PCDHA7: variants seen among roughly 807,000 people sequenced by gnomAD.
PCDHA7 encodes the protein protocadherin alpha 7.
PCDHA7 carries 37 observed loss-of-function variants against 57.2 expected under a neutral mutation model. That is an observed-to-expected ratio of 0.65 (90% CI 0.50 to 0.85). The LOEUF (loss-of-function observed/expected upper bound fraction) is 0.85, where lower values mean the gene tolerates loss of function less well. Ranked by LOEUF, PCDHA7 falls within the 40% of genes least tolerant of loss-of-function variation. PCDHA7 has a pLI of 0.00. For missense variants in PCDHA7, 1,188 were observed against 1,241.8 expected, an observed-to-expected ratio of 0.96 and a Z score of 0.65; for synonymous variants, 553 against 558.8, an observed-to-expected ratio of 0.99 and a Z score of 0.15.
intron 1 of PCDHA7, chr5:140,848,908 A>C: frequency 6.2e-7 from 1 of 1,600,388 alleles, no homozygotes; most frequent in Non-Finnish European, 8.5e-7. Flanking sequence ...GCGACACAAA[A>C]GAATCTGTTC....
Position 140,836,196 on chromosome 5 carries a change from G to A in PCDHA7, c.1813G>A (p.Ala605Thr), listed in dbSNP as rs1480850746. 3 of 1,613,832 alleles carry A rather than the reference G, an allele frequency of 1.9e-6. No homozygotes were observed. Among genetic ancestry groups the A allele is most frequent in the Admixed American group, 1.7e-5 (1 of 60,024 alleles). The change falls in exon 1 of 4, where the codon GCG becomes ACG. Residue 605 changes from alanine (A) to threonine (T), a missense_variant. This residue lies in a region of PCDHA7 where 892 missense variants were observed against 788.5 expected (regional missense o/e 1.13). Coordinates refer to ENST00000525929, the MANE Select transcript of PCDHA7 (RefSeq NM_018910.3). ...AGTTGACGCTGACTCAGGCTACAAC[G>A]CGTGGCTTTCGTATGAGTTGCAACC... is the stretch of plus-strand genomic sequence containing the variant. Reference protein sequence around the residue: ...RAVDADSGYNAWLSYELQPVA... With the variant: ...RAVDADSGYNTWLSYELQPVA...
At chr5:140,885,064 A>T (rs2060452937) in intron 1 of PCDHA7, among the ~76,000 whole-genome samples, 1 of 152,162 alleles carries the variant, frequency 6.6e-6, no homozygotes, top group Non-Finnish European at 1.5e-5. Context: ...TACCCACAAG[A>T]TATTATTTTA....
At chr5:140,929,093 A>G in intron 1 of PCDHA7, 1 of 1,614,194 alleles carries the variant, frequency 6.2e-7, no homozygotes, top group Non-Finnish European at 8.5e-7. Flanking sequence ...ATGGTTTCAA[A>G]TCCTTGCATG....
chr5:140,919,694 ATTAAC>A (rs1313954013), intron 1 of PCDHA7, among the ~76,000 whole-genome samples: 5 of 152,200 alleles, frequency 3.3e-5, no homozygotes, highest in Non-Finnish European at 7.3e-5. Context: ...TCAGATTTAT[ATTAAC>A]TTAATTCTAG....
intron 3 of PCDHA7, among the ~76,000 whole-genome samples, chr5:141,004,385 G>C (rs1388217607): frequency 6.6e-6 from 1 of 152,192 alleles, no homozygotes; most frequent in Non-Finnish European, 1.5e-5. Flanking sequence ...TGCGGAAGCT[G>C]GACATGTGGA....
intron 1 of PCDHA7, chr5:140,927,671 C>T (rs2084485955): frequency 6.2e-7 from 1 of 1,614,198 alleles, no homozygotes; most frequent in Non-Finnish European, 8.5e-7. Context: ...GCCTTGGATC[C>T]AGATGAAGGG....
At chr5:140,892,265 T>A (rs1285445395) in intron 1 of PCDHA7, among the ~76,000 whole-genome samples, 3 of 152,240 alleles carry the variant, frequency 2.0e-5, no homozygotes, top group African/African-American at 7.2e-5. Context: ...GATTTTGTGC[T>A]GAAAGTTGTA....
rs138821024 is a variant in PCDHA7, at chr5:140,968,111, C to T, written c.2356-10838C>T. ...AGCCACAGATGGGGGAATACCGCAG[C>T]TCACATCCCTGCGTACACTGAAGGT... On this transcript the variant is annotated intron_variant, in intron 1 of 3. Transcript: ENST00000525929. 533 of 1,614,062 alleles carry T rather than the reference C, an allele frequency of 3.3e-4. 1 individual carries two copies. The highest frequency in any genetic ancestry group is 4.1e-4 in the Non-Finnish European group (489 of 1,180,052).
chr5:140,847,254 G>T (rs1219125323), intron 1 of PCDHA7, among the ~76,000 whole-genome samples: 1 of 149,748 alleles, frequency 6.7e-6, no homozygotes, highest in Non-Finnish European at 1.5e-5. Flanking sequence ...AATAAATCAC[G>T]ACTTTTGAAA....
chr5:140,851,635 T>C (rs2042114429), intron 1 of PCDHA7: 8 of 917,242 alleles, frequency 8.7e-6, no homozygotes, highest in Non-Finnish European at 1.1e-5. Flanking sequence ...AACAAGTGTT[T>C]CCTTTCTTCA....
chr5:140,933,494 T>C (rs901456699), intron 1 of PCDHA7, among the ~76,000 whole-genome samples: 3 of 152,110 alleles, frequency 2.0e-5, no homozygotes, highest in Non-Finnish European at 4.4e-5. Context: ...TTCTTTAGAA[T>C]TGTTAAGCAA....
Position 140,856,394 on chromosome 5 carries a change from T to C in PCDHA7, c.2355+19656T>C, listed in dbSNP as rs782124565. On this transcript the variant is annotated intron_variant, in intron 1 of 3. Coordinates refer to ENST00000525929, the MANE Select transcript of PCDHA7 (RefSeq NM_018910.3). The stretch of plus-strand genomic sequence containing the variant: ...GATCGTGGACAGGCCGCTGCAGGTT[T>C]TCCATGTGGACGTGGAAGTGAAGGA... The C allele has an allele frequency of 2.5e-6, 4 of 1,598,384 alleles. No individual in the cohort carries two copies. The African/African-American group carries it at 5.4e-5, about 22-fold the overall frequency.
chr5:140,882,658 G>A (rs2059245402), intron 1 of PCDHA7: 3 of 1,614,148 alleles, frequency 1.9e-6, no homozygotes, highest in Middle Eastern at 1.7e-4. Context: ...ACGACAACCC[G>A]CCCATATTCC....
Position 140,969,016 on chromosome 5 carries a change from A to C in PCDHA7, c.2356-9933A>C. Reference sequence around the variant, plus strand: ...GTGGAGGCTTCTGTGGAGTAAGGGAAAGGTCCCCTGCAGAACTGTACAAAC... The same window carrying C: ...GTGGAGGCTTCTGTGGAGTAAGGGACAGGTCCCCTGCAGAACTGTACAAAC... On this transcript the variant is annotated intron_variant, in intron 1 of 3. Coordinates refer to ENST00000525929, the MANE Select transcript of PCDHA7 (RefSeq NM_018910.3). 6.2e-7 allele frequency: 1 copy of C among 1,614,172 alleles called. No homozygotes were observed. Among genetic ancestry groups the C allele is most frequent in the South Asian group, 1.1e-5 (1 of 91,072 alleles).
intron 1 of PCDHA7, chr5:140,858,571 C>T: frequency 7.3e-7 from 1 of 1,362,320 alleles, no homozygotes. Flanking sequence ...CTAGTGATAC[C>T]TTTGTAATAT....
chr5:140,971,067 G>A (rs1270982335), intron 1 of PCDHA7, among the ~76,000 whole-genome samples: 1 of 152,204 alleles, frequency 6.6e-6, no homozygotes, highest in Non-Finnish European at 1.5e-5. Flanking sequence ...TAAGGTTGCT[G>A]TAGACATTTG....
chr5:140,988,694 C>T (rs1328459106), intron 3 of PCDHA7, among the ~76,000 whole-genome samples: 1 of 152,180 alleles, frequency 6.6e-6, no homozygotes, highest in Non-Finnish European at 1.5e-5. Flanking sequence ...CCTAGACGCT[C>T]TGTATTTTCT....
rs372058384 is a variant in PCDHA7, at chr5:140,875,718, C to T, written c.2355+38980C>T. ...TTCTGGAGGTAAATCTGCAGAATGGCATTTTGTTTGTGAATTCTCGGATCG... is the reference window on the plus strand; with the variant it reads ...TTCTGGAGGTAAATCTGCAGAATGGTATTTTGTTTGTGAATTCTCGGATCG... On this transcript the variant is annotated intron_variant, in intron 1 of 3. Coordinates refer to ENST00000525929, the MANE Select transcript of PCDHA7 (RefSeq NM_018910.3). 2.4e-5 allele frequency: 38 copies of T among 1,614,182 alleles called. 1 individual carries two copies. The highest frequency in any genetic ancestry group is 2.7e-5 in the Non-Finnish European group (32 of 1,180,048).
chr5:140,918,748 C>T (rs1303112000), intron 1 of PCDHA7, among the ~76,000 whole-genome samples: 1 of 152,110 alleles, frequency 6.6e-6, no homozygotes, highest in Non-Finnish European at 1.5e-5. Flanking sequence ...ATAAAAGAGG[C>T]CCAGAGAGGT....
Sources: allele counts gnomAD v4.1 joint callset (sites outside exome capture counted in the v4.1 genomes callset), GRCh38; gene constraint gnomAD v4.1.1; regional missense constraint gnomAD v4.1.1; transcripts MANE v1.5; gene names NCBI Gene and HGNC (gene_info 2026-07-23, HGNC 2026-07-21).